The following PDE9A variants were observed in gnomAD, a reference collection of about 807,000 sequenced individuals.
The protein encoded by PDE9A is high affinity cGMP-specific 3',5'-cyclic phosphodiesterase 9A.
Under a neutral mutation model 87.4 loss-of-function variants are expected in PDE9A, and 60 were observed. The ratio of observed to expected loss-of-function variants is 0.69; its 90% CI spans 0.56 to 0.85. The LOEUF (loss-of-function observed/expected upper bound fraction) is 0.85, where lower values mean the gene tolerates loss of function less well. Among genes scored for constraint, PDE9A ranks in the 40% least tolerant of loss-of-function variants. The pLI is 0.00. For synonymous variants in PDE9A, 272 were observed against 279.4 expected (o/e 0.97, Z 0.27); for missense variants, 665 against 779.0 (o/e 0.85, Z 1.74).
At position 42,660,888 on chromosome 21, in the gene PDE9A, C is replaced by A. The variant is rs972799790; in HGVS notation, c.69+7005C>A. ...CTGCCTGTCTCCCCCCTCACCCTGACCACATCTCCCCAAATCCCGAAGCTG... is the reference window on the plus strand; with the variant it reads ...CTGCCTGTCTCCCCCCTCACCCTGAACACATCTCCCCAAATCCCGAAGCTG... On this transcript the variant is annotated intron_variant, in intron 1 of 19. Coordinates refer to ENST00000291539, the MANE Select transcript of PDE9A (RefSeq NM_002606.3). This position sits in a 1 kb window ranked among gnomAD's most constrained non-coding sequence, Gnocchi z 4.7. Among the ~76,000 whole-genome samples, 18 of 152,242 alleles carry A rather than the reference C, an allele frequency of 1.2e-4. No individual in the cohort carries two copies. The highest frequency in any genetic ancestry group is 3.4e-3 in the Middle Eastern group (1 of 294).
At chr21:42,758,246 A>T (rs2055287003) in intron 10 of PDE9A, 1 of 152,262 alleles carries the variant, frequency 6.6e-6, no homozygotes, top group African/African-American at 2.4e-5. Context: ...TTAGCTCCAA[A>T]GCACTGAGCT....
In PDE9A at chr21:42,753,995, G is replaced by A. The variant is rs776665767; in HGVS notation, c.741G>A (p.Leu247=). ...GGAACTCCTGTCCTTTCTAGTACCTGCTCTCTCCAGAGACCATCGAGGCCC... is the reference window on the plus strand; with the variant it reads ...GGAACTCCTGTCCTTTCTAGTACCTACTCTCTCCAGAGACCATCGAGGCCC... ...RRDVPTYPKY[L]LSPETIEALR... The change falls in exon 10 of 20, where the codon CTG becomes CTA. Residue 247 remains leucine, a synonymous_variant. Coordinates refer to ENST00000291539, the MANE Select transcript of PDE9A (RefSeq NM_002606.3). 1.2e-6 allele frequency: 2 copies of A among 1,610,144 alleles called. No individual in the cohort carries two copies. Among genetic ancestry groups the A allele is most frequent in the Non-Finnish European group, 1.7e-6 (2 of 1,176,986 alleles).
intron 4 of PDE9A, among the ~76,000 whole-genome samples, chr21:42,726,654 A>C (rs1472644223): frequency 1.7e-5 from 1 of 60,074 alleles, no homozygotes; most frequent in Non-Finnish European, 2.7e-5. Context: ...AGAGATGGAG[A>C]TCTCTCTTTG....
intron 7 of PDE9A, among the ~76,000 whole-genome samples, chr21:42,734,969 T>C (rs948936548): frequency 6.6e-6 from 1 of 152,158 alleles, no homozygotes; most frequent in Non-Finnish European, 1.5e-5. Flanking sequence ...AGGCACTCCA[T>C]GAGGATTCCT....
intron 1 of PDE9A, among the ~76,000 whole-genome samples, chr21:42,663,304 TACAC>T (rs1409321576): frequency 1.5e-5 from 2 of 137,108 alleles, no homozygotes; most frequent in Admixed American, 7.1e-5. Flanking sequence ...CACACATACA[TACAC>T]ACCGCGCACA....
At chr21:42,690,261 G>A (rs1284750623) in intron 3 of PDE9A, among the ~76,000 whole-genome samples, 1 of 152,042 alleles carries the variant, frequency 6.6e-6, no homozygotes, top group Non-Finnish European at 1.5e-5. Context: ...GGTTAGACGC[G>A]GATGAGGACA....
chr21:42,762,025 C>G (rs2269168), intron 13 of PDE9A, 58 bp from the exon 14 acceptor site: 565,172 of 1,538,596 alleles, frequency 0.37, 106,340 homozygotes, highest in South Asian at 0.53. Context: ...GTTGCTCCCC[C>G]GTGCAGGTAC....
At chr21:42,734,051 G>T (rs1035926219) in intron 7 of PDE9A, 1 of 151,980 alleles carries the variant, frequency 6.6e-6, no homozygotes, top group African/African-American at 2.4e-5. Context: ...CTTCCACCAT[G>T]ATTGGAGGCT....
At chr21:42,666,110 G>A (rs1380712203) in intron 1 of PDE9A, among the ~76,000 whole-genome samples, 1 of 152,330 alleles carries the variant, frequency 6.6e-6, no homozygotes, top group East Asian at 1.9e-4. Context: ...TGGGGTGGGG[G>A]CGTGGCCACC....
chr21:42,667,984 A>T (rs2145912004), intron 1 of PDE9A, among the ~76,000 whole-genome samples: 1 of 151,252 alleles, frequency 6.6e-6, no homozygotes, highest in East Asian at 1.9e-4. Flanking sequence ...AAGACATCCA[A>T]GCTCTCTGGG....
rs1001165535 is a variant in PDE9A at position 42,705,689 on chromosome 21, T to C, written c.262+6678T>C. The stretch of plus-strand genomic sequence containing the variant: ...ATAGGAGAGCCAGGGGCCATCACGA[T>C]TTTCTTAGGCACAGCAGCAGTTGAA... On this transcript the variant is annotated intron_variant, in intron 4 of 19. Coordinates refer to ENST00000291539, the MANE Select transcript of PDE9A (RefSeq NM_002606.3). This position sits in a 1 kb window ranked among gnomAD's most constrained non-coding sequence, Gnocchi z 4.3. 4.6e-5 allele frequency among the ~76,000 whole-genome samples: 7 copies of C among 152,074 alleles called. No individual in the cohort carries two copies. The highest frequency in any genetic ancestry group is 2.1e-4 in the South Asian group (1 of 4,826).
At chr21:42,701,696 C>G (rs1433355682) in intron 4 of PDE9A, among the ~76,000 whole-genome samples, 1 of 152,104 alleles carries the variant, frequency 6.6e-6, no homozygotes, top group East Asian at 1.9e-4. Flanking sequence ...CCTGAGATTA[C>G]AGACGTGAGC....
chr21:42,769,571 C>T (rs1254549167), intron 17 of PDE9A, among the ~76,000 whole-genome samples: 1 of 126,982 alleles, frequency 7.9e-6, no homozygotes, highest in African/African-American at 3.2e-5. Context: ...CACACACACA[C>T]ACACATGCAC....
intron 1 of PDE9A, among the ~76,000 whole-genome samples, chr21:42,685,122 C>G (rs1311353732): frequency 6.6e-6 from 1 of 152,230 alleles, no homozygotes; most frequent in Non-Finnish European, 1.5e-5. Context: ...AGGGAGGCAT[C>G]CTCTGCGATG....
In PDE9A at chr21:42,760,634, G is replaced by A. The variant is rs924349080; in HGVS notation, c.1003-191G>A. ...GCTGCTCCTAGGATTACGAGAGCAG[G>A]TGAGTCCCCGACCTGGTCACCCCCC... On this transcript the variant is annotated intron_variant, in intron 12 of 19. Transcript: ENST00000291539. The surrounding 1 kb of genome is among the most constrained non-coding windows in gnomAD (Gnocchi z 5.2). Among the ~76,000 whole-genome samples the A allele has an allele frequency of 6.6e-6, 1 of 151,908 alleles. No individual in the cohort carries two copies. The highest frequency in any genetic ancestry group is 1.5e-5 in the Non-Finnish European group (1 of 67,964).
intron 15 of PDE9A, 23 bp from the exon 16 acceptor site, chr21:42,768,165 A>G: frequency 6.9e-7 from 1 of 1,458,488 alleles, no homozygotes; most frequent in Non-Finnish European, 9.6e-7. Context: ...CTGTTACCTC[A>G]ATTCCAAAAT....
At chr21:42,707,449 T>G (rs1007698781) in intron 4 of PDE9A, among the ~76,000 whole-genome samples, 1 of 152,210 alleles carries the variant, frequency 6.6e-6, no homozygotes, top group African/African-American at 2.4e-5. Flanking sequence ...GCCCAGCTTC[T>G]TTGCTCCACA....
chr21:42,731,502 AG>A, intron 4 of PDE9A, among the ~76,000 whole-genome samples: 1 of 152,122 alleles, frequency 6.6e-6, no homozygotes, highest in Non-Finnish European at 1.5e-5. Flanking sequence ...GTCAGGAAAC[AG>A]GAAGACAAGC....
At chr21:42,711,291 T>G (rs925483655) in intron 4 of PDE9A, among the ~76,000 whole-genome samples, 5 of 151,858 alleles carry the variant, frequency 3.3e-5, no homozygotes, top group African/African-American at 9.7e-5. Context: ...GGTTTCTTGT[T>G]GCCCAGGCTG....
Sources: allele counts gnomAD v4.1 joint callset (sites outside exome capture counted in the v4.1 genomes callset), GRCh38; gene constraint gnomAD v4.1.1; non-coding constraint Gnocchi (gnomAD v3.1); transcripts MANE v1.5; gene names NCBI Gene and HGNC (gene_info 2026-07-23, HGNC 2026-07-21).